The following CADPS variants were observed in gnomAD, a reference collection of about 807,000 sequenced individuals.
CADPS encodes the protein calcium dependent secretion activator.
In CADPS, 57 loss-of-function variants were observed where a neutral mutation model predicts 167.3. That is an observed-to-expected ratio of 0.34 (90% confidence interval 0.28 to 0.42). CADPS has a LOEUF of 0.42. CADPS is among the 20% of genes least tolerant of loss of function. CADPS has a pLI of 1.00. For synonymous variants in CADPS, 676 were observed against 635.3 expected (o/e 1.06, Z -0.96); for missense variants, 1,414 against 1,738.1 (o/e 0.81, Z 3.32).
chr3:62,492,973 G>C (rs561231582), intron 19 of CADPS, among the ~76,000 whole-genome samples: 1 of 152,274 alleles, frequency 6.6e-6, no homozygotes, highest in East Asian at 1.9e-4. Flanking sequence ...TTCATACTAA[G>C]TCAAAGAAAA....
At chr3:62,700,278 C>A (rs562117698) in intron 3 of CADPS, among the ~76,000 whole-genome samples, 1 of 152,018 alleles carries the variant, frequency 6.6e-6, no homozygotes, top group African/African-American at 2.4e-5. Flanking sequence ...CTGGACCTGG[C>A]GACATGCTTC....
chr3:62,491,298 T>A (rs752783568), intron 21 of CADPS, 41 bp downstream of exon 21: 1 of 1,605,348 alleles, frequency 6.2e-7, no homozygotes, highest in Non-Finnish European at 8.5e-7. Context: ...CTCCAGCCAT[T>A]TGTACCCAAA....
At chr3:62,756,328 A>G (rs1166167146) in intron 2 of CADPS, among the ~76,000 whole-genome samples, 1 of 152,184 alleles carries the variant, frequency 6.6e-6, no homozygotes, top group Non-Finnish European at 1.5e-5. Flanking sequence ...GGGCTTCCCA[A>G]AGAGTTGGGA....
chr3:62,838,643 C>A (rs1364936409), intron 1 of CADPS, among the ~76,000 whole-genome samples: 1 of 152,106 alleles, frequency 6.6e-6, no homozygotes, highest in Non-Finnish European at 1.5e-5. Flanking sequence ...TAGTTTGTAA[C>A]CTCTCTGGAA....
At chr3:62,595,533 G>A (rs990492576) in intron 6 of CADPS, among the ~76,000 whole-genome samples, 1 of 152,178 alleles carries the variant, frequency 6.6e-6, no homozygotes, top group Non-Finnish European at 1.5e-5. Flanking sequence ...ACAAACAGCT[G>A]CAAGTTTGGA....
chr3:62,569,362 A>G (rs1562282622), intron 9 of CADPS, among the ~76,000 whole-genome samples: 1 of 152,190 alleles, frequency 6.6e-6, no homozygotes, highest in Non-Finnish European at 1.5e-5. Context: ...TCGGCTTCCC[A>G]AAGTGCTGGG....
chr3:62,477,783 T>A (rs1199712966), intron 23 of CADPS, among the ~76,000 whole-genome samples: 3 of 152,218 alleles, frequency 2.0e-5, no homozygotes, highest in Non-Finnish European at 4.4e-5. Flanking sequence ...GCTCATCTTT[T>A]ATATACGGAG....
intron 1 of CADPS, among the ~76,000 whole-genome samples, chr3:62,791,518 T>C (rs304214): frequency 0.75 from 114,637 of 152,054 alleles, 43,520 homozygotes; most frequent in East Asian, 0.95. Context: ...GAATCTGCAT[T>C]TTAACAAGAT....
chr3:62,551,935 T>G (rs2077378799), intron 10 of CADPS, among the ~76,000 whole-genome samples: 1 of 152,262 alleles, frequency 6.6e-6, no homozygotes. Flanking sequence ...TTTTTCTTTT[T>G]TGCTCCTATT....
intron 28 of CADPS, among the ~76,000 whole-genome samples, chr3:62,435,322 G>A (rs2054773904): frequency 6.6e-6 from 1 of 152,178 alleles, no homozygotes; most frequent in Non-Finnish European, 1.5e-5. Context: ...GGACACAAGA[G>A]ATTTGCAGAG....
chr3:62,816,372 T>C (rs1388228047), intron 1 of CADPS, among the ~76,000 whole-genome samples: 7 of 152,098 alleles, frequency 4.6e-5, no homozygotes, highest in East Asian at 1.9e-4. Flanking sequence ...TAAATTTGTT[T>C]ACAAAGGTGG....
chr3:62,706,390 G>A (rs2082310079), intron 3 of CADPS, among the ~76,000 whole-genome samples: 1 of 152,066 alleles, frequency 6.6e-6, no homozygotes, highest in East Asian at 1.9e-4. Context: ...CACGGACTTT[G>A]CAGTAGGGCC....
chr3:62,772,452 CCTT>C (rs1437026331), intron 1 of CADPS, among the ~76,000 whole-genome samples: 2 of 152,124 alleles, frequency 1.3e-5, no homozygotes, highest in Non-Finnish European at 2.9e-5. Context: ...TCCTGCTGCC[CCTT>C]CTTCTGCTGA....
intron 3 of CADPS, among the ~76,000 whole-genome samples, chr3:62,709,880 A>T: frequency 6.6e-6 from 1 of 151,546 alleles, no homozygotes; most frequent in Non-Finnish European, 1.5e-5. Flanking sequence ...AGCAATTCTC[A>T]TCCCTCAGCC....
intron 28 of CADPS, among the ~76,000 whole-genome samples, chr3:62,418,916 A>G (rs1235740241): frequency 6.6e-6 from 1 of 152,144 alleles, no homozygotes; most frequent in Non-Finnish European, 1.5e-5. Context: ...ATAAAAATGT[A>G]ACCAATGGTC....
rs187754927 is a variant in CADPS at position 62,683,966 on chromosome 3, A to G, written c.889-21572T>C. ...CTTCTCACTGATAGCAAACCTGATC[A>G]CCTGGCTAAGGCAAAGGTTTCCAGA... On this transcript the variant is annotated intron_variant, in intron 3 of 29. Coordinates refer to ENST00000383710, the MANE Select transcript of CADPS (RefSeq NM_003716.4). Among the ~76,000 whole-genome samples, 392 of 152,118 alleles carry G rather than the reference A, an allele frequency of 2.6e-3. 3 individuals are homozygous for G. The highest frequency in any genetic ancestry group is 3.3e-3 in the Non-Finnish European group (222 of 67,990).
intron 29 of CADPS, among the ~76,000 whole-genome samples, chr3:62,402,240 G>A (rs1415316115): frequency 3.5e-4 from 3 of 8,582 alleles, no homozygotes; most frequent in South Asian, 5.4e-3. Flanking sequence ...GGGTGGGGGC[G>A]GGGGGGGGGG....
At chr3:62,418,214 A>T (rs952143810) in intron 28 of CADPS, among the ~76,000 whole-genome samples, 1 of 151,944 alleles carries the variant, frequency 6.6e-6, no homozygotes, top group Non-Finnish European at 1.5e-5. Flanking sequence ...ATGTAATTTC[A>T]TATGTAATAA....
At chr3:62,532,745 GTGTGTA>G in intron 13 of CADPS, 120 bp downstream of exon 13, 2 of 641,840 alleles carry the variant, frequency 3.1e-6, no homozygotes, top group South Asian at 1.9e-5. Context: ...GTGTGTGTGT[GTGTGTA>G]CGTGTGCACA....
Sources: gnomAD v4.1 joint callset for allele counts (sites outside exome capture counted in the v4.1 genomes callset) on GRCh38, gnomAD v4.1.1 for gene constraint, MANE v1.5 for transcripts, NCBI Gene and HGNC (gene_info 2026-07-23, HGNC 2026-07-21) for gene names.